FRMD5: variants seen among roughly 807,000 people sequenced by gnomAD.
FRMD5 encodes FERM domain containing 5, also known as FERM domain-containing protein 5.
In FRMD5, 20 loss-of-function variants were observed where a neutral mutation model predicts 69.0. The observed-to-expected ratio is 0.29, with a 90% CI of 0.20 to 0.42. The LOEUF is 0.42. FRMD5 is among the 10% of genes least tolerant of loss of function. The pLI, the probability that FRMD5 is intolerant of heterozygous loss-of-function variation, is 1.00. For synonymous variants in FRMD5, 271 were observed against 260.1 expected, an observed-to-expected ratio of 1.04 and a Z score of -0.40; for missense variants, 595 against 708.6, an observed-to-expected ratio of 0.84 and a Z score of 1.82.
At chr15:44,061,097 A>C (rs148775511) in intron 1 of FRMD5, among the ~76,000 whole-genome samples, 12 of 152,230 alleles carry the variant, frequency 7.9e-5, no homozygotes, top group African/African-American at 2.9e-4. Flanking sequence ...GTACCCTCCT[A>C]CATTTTTCAG....
intron 1 of FRMD5, among the ~76,000 whole-genome samples, chr15:43,948,713 T>C (rs2089983900): frequency 6.6e-6 from 1 of 152,180 alleles, no homozygotes; most frequent in Non-Finnish European, 1.5e-5. Flanking sequence ...CAGGTTCTAT[T>C]TATATGCAAC....
intron 1 of FRMD5, among the ~76,000 whole-genome samples, chr15:44,023,334 G>A (rs905205508): frequency 2.0e-5 from 3 of 152,166 alleles, no homozygotes; most frequent in Non-Finnish European, 4.4e-5. Context: ...TGACATAGGA[G>A]TCCTAAGCTA....
At chr15:43,890,679 C>T (rs111917019) in intron 8 of FRMD5, among the ~76,000 whole-genome samples, 3 of 152,104 alleles carry the variant, frequency 2.0e-5, no homozygotes, top group Admixed American at 6.5e-5. Flanking sequence ...TGAAGTGGGC[C>T]GACTTGAGGA....
chr15:44,077,211 T>C (rs1893808024), intron 1 of FRMD5, among the ~76,000 whole-genome samples: 3 of 152,160 alleles, frequency 2.0e-5, no homozygotes, highest in African/African-American at 7.2e-5. Flanking sequence ...CATGCCTTAA[T>C]GTTCATGTAA....
intron 1 of FRMD5, among the ~76,000 whole-genome samples, chr15:44,074,938 A>G (rs1304312885): frequency 6.6e-6 from 1 of 152,154 alleles, no homozygotes. Context: ...CTAAGCACTA[A>G]GGAAAAGACC....
chr15:43,887,033 C>T (rs1241071640), intron 10 of FRMD5, among the ~76,000 whole-genome samples: 1 of 152,346 alleles, frequency 6.6e-6, no homozygotes, highest in Non-Finnish European at 1.5e-5. Flanking sequence ...AGCAACACTT[C>T]TGTTTCCGTG....
chr15:43,968,389 T>A (rs2090327266), intron 1 of FRMD5, among the ~76,000 whole-genome samples: 2 of 152,248 alleles, frequency 1.3e-5, no homozygotes, highest in Admixed American at 6.5e-5. Flanking sequence ...CTGCAGAGCA[T>A]TCCTATTCGT....
At chr15:44,022,435 G>A (rs1243189411) in intron 1 of FRMD5, among the ~76,000 whole-genome samples, 6 of 150,858 alleles carry the variant, frequency 4.0e-5, no homozygotes, top group Admixed American at 1.3e-4. Context: ...TTAGTTGGGC[G>A]TGGTGGCATG....
At chr15:43,907,159 C>A (rs2089194925) in intron 5 of FRMD5, among the ~76,000 whole-genome samples, 1 of 152,114 alleles carries the variant, frequency 6.6e-6, no homozygotes, top group Admixed American at 6.5e-5. Context: ...GCCCTTTTTC[C>A]TTCCCAGGTG....
chr15:43,992,271 T>C (rs1413236384), intron 1 of FRMD5, among the ~76,000 whole-genome samples: 3 of 152,114 alleles, frequency 2.0e-5, no homozygotes, highest in Non-Finnish European at 4.4e-5. Context: ...ATAGCAAAAA[T>C]GTAAAGTATT....
intron 1 of FRMD5, among the ~76,000 whole-genome samples, chr15:44,162,256 G>A (rs570831960): frequency 2.1e-4 from 25 of 119,992 alleles, no homozygotes; most frequent in African/African-American, 6.8e-4. Context: ...GAGCCACCGT[G>A]CCAGGCCTTT....
intron 1 of FRMD5, among the ~76,000 whole-genome samples, chr15:43,945,088 G>C (rs1195651243): frequency 6.6e-6 from 1 of 151,808 alleles, no homozygotes; most frequent in African/African-American, 2.4e-5. Flanking sequence ...CGCCCGGCAG[G>C]TTTCTATGAG....
intron 1 of FRMD5, among the ~76,000 whole-genome samples, chr15:44,038,882 T>C (rs1019074428): frequency 1.3e-5 from 2 of 152,122 alleles, no homozygotes; most frequent in African/African-American, 2.4e-5. Flanking sequence ...TTCCCTCCAG[T>C]GCCTGGCTCG....
At chr15:44,066,663 GTCA>G (rs1350931878) in intron 1 of FRMD5, among the ~76,000 whole-genome samples, 1 of 152,122 alleles carries the variant, frequency 6.6e-6, no homozygotes, top group African/African-American at 2.4e-5. Context: ...TATTAAATGA[GTCA>G]TCAAAGTTTT....
In FRMD5 at chr15:44,112,750, G is replaced by A. The variant is rs538830833; in HGVS notation, c.102+82203C>T. 9.0e-4 allele frequency among the ~76,000 whole-genome samples: 137 copies of A among 152,114 alleles called. 2 individuals are homozygous for A. The highest frequency in any genetic ancestry group is 3.2e-3 in the African/African-American group (132 of 41,482). On this transcript the variant is annotated intron_variant, in intron 1 of 13. Transcript: ENST00000417257. ...CCCAAAGTGCTAGGATTACAGGCCT[G>A]AGCCACCGCGCCTGGCCTGTATTTT...
Position 44,139,824 on chromosome 15 carries a change from A to G in FRMD5, c.102+55129T>C, listed in dbSNP as rs2077241887. Among the ~76,000 whole-genome samples the G allele has an allele frequency of 2.0e-5, 3 of 151,974 alleles. No homozygotes were observed. In the South Asian group the frequency reaches 6.2e-4, roughly 32 times the overall value. On this transcript the variant is annotated intron_variant, in intron 1 of 13. Coordinates refer to ENST00000417257, the MANE Select transcript of FRMD5 (RefSeq NM_032892.5). ...TGAATGAAAGTATACAATTAATAAT[A>G]TAAGCTCTCAAATGCATATGAAGCA...
At chr15:44,149,625 T>C (rs2077411891) in intron 1 of FRMD5, among the ~76,000 whole-genome samples, 1 of 152,086 alleles carries the variant, frequency 6.6e-6, no homozygotes, top group Non-Finnish European at 1.5e-5. Context: ...AATATCAGAC[T>C]AAACAGACTT....
intron 1 of FRMD5, among the ~76,000 whole-genome samples, chr15:43,928,747 C>A (rs561688579): frequency 6.6e-6 from 1 of 152,346 alleles, no homozygotes; most frequent in South Asian, 2.1e-4. Context: ...GGTGCCCTGG[C>A]ACTGTGGCTA....
At chr15:43,957,155 T>A (rs780499962) in intron 1 of FRMD5, among the ~76,000 whole-genome samples, 7 of 152,118 alleles carry the variant, frequency 4.6e-5, no homozygotes, top group Admixed American at 4.6e-4. Flanking sequence ...CTGAGTGAGG[T>A]CATGTGTCAC....
Sources: gnomAD v4.1 joint callset for allele counts (sites outside exome capture counted in the v4.1 genomes callset) on GRCh38, gnomAD v4.1.1 for gene constraint, MANE v1.5 for transcripts, NCBI Gene and HGNC (gene_info 2026-07-23, HGNC 2026-07-21) for gene names.